MERTK: variants seen among roughly 807,000 people sequenced by gnomAD.
MERTK encodes the protein tyrosine-protein kinase Mer.
A neutral mutation model predicts 99.3 loss-of-function variants in MERTK; 69 were observed. That is an observed-to-expected ratio of 0.70 (90% CI 0.57 to 0.85). The LOEUF is 0.85. Among genes scored for constraint, MERTK ranks in the 40% least tolerant of loss-of-function variants. The pLI, the probability that MERTK is intolerant of heterozygous loss-of-function variation, is 0.00. For missense variants in MERTK, 1,125 were observed against 1,249.4 expected, an observed-to-expected ratio of 0.90 and a Z score of 1.50; for synonymous variants, 426 against 467.6, an observed-to-expected ratio of 0.91 and a Z score of 1.15.
intron 18 of MERTK, among the ~76,000 whole-genome samples, chr2:112,024,161 A>G (rs191225451): frequency 3.0e-3 from 461 of 152,350 alleles, no homozygotes; most frequent in Middle Eastern, 6.8e-3. Context: ...TAAAAGTGCC[A>G]TGTTTATGAA....
At chr2:111,909,589 T>C (rs1316906966) in intron 1 of MERTK, among the ~76,000 whole-genome samples, 1 of 152,156 alleles carries the variant, frequency 6.6e-6, no homozygotes, top group East Asian at 1.9e-4. Flanking sequence ...CAGAAGAAGG[T>C]CCTCAGGACT....
intron 1 of MERTK, among the ~76,000 whole-genome samples, chr2:111,916,186 G>C (rs531259819): frequency 6.6e-6 from 1 of 152,172 alleles, no homozygotes; most frequent in South Asian, 2.1e-4. Context: ...CACTCTGATG[G>C]CACCATCTTG....
chr2:111,937,321 G>A (rs1174127168), intron 2 of MERTK, among the ~76,000 whole-genome samples: 6 of 151,926 alleles, frequency 3.9e-5, no homozygotes, highest in Non-Finnish European at 8.8e-5. Context: ...ACATGGTGGT[G>A]CACACTTGTG....
chr2:112,027,088 G>A (rs1677478378), intron 18 of MERTK, among the ~76,000 whole-genome samples: 1 of 151,540 alleles, frequency 6.6e-6, no homozygotes, highest in South Asian at 2.1e-4. Context: ...AGGAGTTCAG[G>A]GGTTCTCCAC....
intron 4 of MERTK, among the ~76,000 whole-genome samples, chr2:111,964,368 C>CGTGTGTGTGTGTGTGT (rs200168355): frequency 7.1e-6 from 1 of 141,162 alleles, no homozygotes; most frequent in Non-Finnish European, 1.6e-5. Context: ...ATCATTGTCT[C>CGTGTGTGTGTGTGTGT]GTGTGTGTGT....
Position 112,015,692 on chromosome 2 carries a change from G to A in MERTK, c.2080-3721G>A, listed in dbSNP as rs573236255. ...AATTTTGATAAAGCCCAATTTATCA[G>A]TTTTTTTTTAATGAGTCATGCTTTT... On this transcript the variant is annotated intron_variant, in intron 15 of 18. Transcript: ENST00000295408. The A allele has an allele frequency of 2.0e-5, 3 of 150,694 alleles. No homozygotes were observed. The East Asian group carries it at 5.8e-4, about 29-fold the overall frequency. 9.3% of individuals were successfully genotyped at this position (150,694 alleles called of 1,614,324 possible). A position where few individuals can be genotyped will look rare whatever the true frequency, so the allele number is the denominator to read the frequency against.
intron 2 of MERTK, chr2:111,940,994 C>T (rs531869995): frequency 1.4e-4 from 80 of 582,320 alleles, no homozygotes; most frequent in African/African-American, 1.3e-3. Context: ...TTGAAACCGG[C>T]GGGGTTGTGG....
intron 4 of MERTK, among the ~76,000 whole-genome samples, chr2:111,961,976 AT>A (rs1170439791): frequency 6.6e-6 from 1 of 152,144 alleles, no homozygotes; most frequent in Non-Finnish European, 1.5e-5. Flanking sequence ...TTCTTCAAAT[AT>A]TTTATTACTG....
chr2:112,010,962 C>A (rs142252388), intron 15 of MERTK, among the ~76,000 whole-genome samples: 1 of 152,134 alleles, frequency 6.6e-6, no homozygotes, highest in Non-Finnish European at 1.5e-5. Context: ...CATTCTCTGA[C>A]TGGGCAAAAG....
At chr2:111,904,415 G>T (rs571037387) in intron 1 of MERTK, among the ~76,000 whole-genome samples, 1 of 145,806 alleles carries the variant, frequency 6.9e-6, no homozygotes, top group Non-Finnish European at 1.5e-5. Context: ...TTGCTCTGTC[G>T]CCCAGGCTGG....
intron 1 of MERTK, among the ~76,000 whole-genome samples, chr2:111,917,910 A>G (rs1332887403): frequency 1.3e-5 from 2 of 151,804 alleles, no homozygotes; most frequent in Non-Finnish European, 2.9e-5. Flanking sequence ...GCCAAAAGAC[A>G]CATAACATAT....
intron 1 of MERTK, among the ~76,000 whole-genome samples, chr2:111,901,024 C>A (rs1031257184): frequency 6.6e-6 from 1 of 152,118 alleles, no homozygotes; most frequent in Non-Finnish European, 1.5e-5. Flanking sequence ...CCCAGGAAAT[C>A]CCCTCTGCCC....
chr2:111,909,037 A>G (rs1183500143), intron 1 of MERTK, among the ~76,000 whole-genome samples: 2 of 152,266 alleles, frequency 1.3e-5, no homozygotes, highest in Non-Finnish European at 2.9e-5. Flanking sequence ...TAACATCACT[A>G]ATCATCAGGG....
intron 15 of MERTK, among the ~76,000 whole-genome samples, chr2:112,010,563 G>A (rs981946667): frequency 6.6e-6 from 1 of 152,152 alleles, no homozygotes; most frequent in Non-Finnish European, 1.5e-5. Flanking sequence ...TGAGCACTGT[G>A]AAGCCCTGGG....
chr2:111,949,733 T>C (rs1461024779), intron 4 of MERTK, among the ~76,000 whole-genome samples: 2 of 152,196 alleles, frequency 1.3e-5, no homozygotes. Context: ...TCCTTCATGA[T>C]CCCTTCCAGT....
chr2:112,020,513 T>C (rs1268412367), intron 16 of MERTK: 2 of 460,428 alleles, frequency 4.3e-6, no homozygotes, highest in Non-Finnish European at 9.0e-6. Context: ...TTCTTTCTTC[T>C]CCTCTTCCTT....
At chr2:111,933,260 G>A (rs561590448) in intron 2 of MERTK, among the ~76,000 whole-genome samples, 1 of 152,340 alleles carries the variant, frequency 6.6e-6, no homozygotes, top group East Asian at 1.9e-4. Context: ...TACCTGCAGT[G>A]ACCTCTCTTC....
At chr2:112,017,946 C>G (rs1030791619) in intron 15 of MERTK, among the ~76,000 whole-genome samples, 2 of 152,118 alleles carry the variant, frequency 1.3e-5, no homozygotes, top group Non-Finnish European at 2.9e-5. Flanking sequence ...GATACAGGAT[C>G]TCATGCAATA....
chr2:111,959,871 C>A (rs147676876), intron 4 of MERTK, among the ~76,000 whole-genome samples: 2 of 152,210 alleles, frequency 1.3e-5, no homozygotes, highest in East Asian at 3.9e-4. Context: ...TCTATATTTA[C>A]TGAATTAGAA....
Sources: allele counts gnomAD v4.1 joint callset (sites outside exome capture counted in the v4.1 genomes callset), GRCh38; gene constraint gnomAD v4.1.1; transcripts MANE v1.5; gene names NCBI Gene and HGNC (gene_info 2026-07-23, HGNC 2026-07-21).